CNTNAP2: variants seen among roughly 807,000 people sequenced by gnomAD.
CNTNAP2 encodes contactin-associated protein-like 2.
Under a neutral mutation model 155.2 loss-of-function variants are expected in CNTNAP2, and 98 were observed. The observed-to-expected ratio is 0.63, with a 90% CI of 0.54 to 0.75. CNTNAP2 has a LOEUF of 0.75. CNTNAP2 is among the 30% of genes least tolerant of loss of function. CNTNAP2 has a pLI of 0.00. For synonymous variants in CNTNAP2, 651 were observed against 631.2 expected, an observed-to-expected ratio of 1.03 and a Z score of -0.47; for missense variants, 1,727 against 1,688.1, an observed-to-expected ratio of 1.02 and a Z score of -0.40.
intron 1 of CNTNAP2, among the ~76,000 whole-genome samples, chr7:146,708,651 T>C (rs28716585): frequency 0.24 from 29,495 of 125,076 alleles, 8,258 homozygotes; most frequent in African/African-American, 0.69. Context: ...GGCTGGAGTG[T>C]GGTGGCGTGA....
At chr7:148,339,505 C>T (rs987512508) in intron 21 of CNTNAP2, 1 of 152,122 alleles carries the variant, frequency 6.6e-6, no homozygotes, top group African/African-American at 2.4e-5. Flanking sequence ...TCAAAGCTGC[C>T]CGCCGGGACT....
At chr7:147,710,645 G>T (rs1027929839) in intron 13 of CNTNAP2, among the ~76,000 whole-genome samples, 1 of 151,890 alleles carries the variant, frequency 6.6e-6, no homozygotes, top group African/African-American at 2.4e-5. Flanking sequence ...TGCTCTTTTA[G>T]AACTATAATC....
chr7:148,029,105 A>G (rs971759055), intron 15 of CNTNAP2, among the ~76,000 whole-genome samples: 2 of 67,816 alleles, frequency 2.9e-5, no homozygotes, highest in African/African-American at 1.7e-4. Flanking sequence ...TGGGCAACAC[A>G]CTTTTAACCT....
At chr7:146,180,077 G>A (rs1410464873) in intron 1 of CNTNAP2, among the ~76,000 whole-genome samples, 2 of 152,068 alleles carry the variant, frequency 1.3e-5, no homozygotes, top group Non-Finnish European at 2.9e-5. Flanking sequence ...TATGTTTTTG[G>A]ATGTCTTGGT....
chr7:146,376,337 T>C (rs1336958571), intron 1 of CNTNAP2, among the ~76,000 whole-genome samples: 1 of 152,174 alleles, frequency 6.6e-6, no homozygotes, highest in Non-Finnish European at 1.5e-5. Flanking sequence ...TCGTTACCTT[T>C]GTTCTTTTTC....
intron 13 of CNTNAP2, among the ~76,000 whole-genome samples, chr7:147,881,056 CAGG>C (rs1389283370): frequency 6.6e-6 from 1 of 152,116 alleles, no homozygotes; most frequent in Non-Finnish European, 1.5e-5. Context: ...CTGTAAGAGA[CAGG>C]AGAAGATGGT....
intron 13 of CNTNAP2, among the ~76,000 whole-genome samples, chr7:147,703,568 C>A (rs552218016): frequency 1.8e-4 from 28 of 152,152 alleles, no homozygotes; most frequent in African/African-American, 5.5e-4. Flanking sequence ...GCAGTTGATC[C>A]ATGATTTTTG....
chr7:146,686,964 G>A (rs1233892561), intron 1 of CNTNAP2, among the ~76,000 whole-genome samples: 1 of 152,076 alleles, frequency 6.6e-6, no homozygotes, highest in Non-Finnish European at 1.5e-5. Flanking sequence ...CTATGTTGAT[G>A]ATATTTCTTT....
chr7:147,187,822 G>A (rs1802598333), intron 8 of CNTNAP2, among the ~76,000 whole-genome samples: 1 of 152,168 alleles, frequency 6.6e-6, no homozygotes, highest in African/African-American at 2.4e-5. Context: ...CATTTTGGGA[G>A]GCCAAGGCAG....
At chr7:147,884,102 C>T (rs181620998) in intron 13 of CNTNAP2, among the ~76,000 whole-genome samples, 238 of 152,214 alleles carry the variant, frequency 1.6e-3, no homozygotes, top group African/African-American at 5.4e-3. Flanking sequence ...ATGAAAGGTC[C>T]TTGAGGATAT....
intron 13 of CNTNAP2, among the ~76,000 whole-genome samples, chr7:147,779,493 A>T (rs1329101384): frequency 6.6e-6 from 1 of 152,246 alleles, no homozygotes; most frequent in Non-Finnish European, 1.5e-5. Flanking sequence ...GGCTGAAACA[A>T]ATAATTACTC....
rs527433901 is a variant in CNTNAP2 at position 148,368,031 on chromosome 7, A to G, written c.3476-15618A>G. ...GCAAACATTTCAGATAGAGCCCCTC[A>G]TCTTTTGTTAAAAGTAAAATGAAAA... is the stretch of plus-strand genomic sequence containing the variant. On this transcript the variant is annotated intron_variant, in intron 21 of 23. Coordinates refer to ENST00000361727, the MANE Select transcript of CNTNAP2 (RefSeq NM_014141.6). Among the ~76,000 whole-genome samples, 375 of 152,338 alleles carry G rather than the reference A, an allele frequency of 2.5e-3. 2 individuals are homozygous for G. Among genetic ancestry groups the G allele is most frequent in the African/African-American group, 8.1e-3 (337 of 41,584 alleles).
intron 1 of CNTNAP2, among the ~76,000 whole-genome samples, chr7:146,678,319 C>G (rs1472820908): frequency 6.6e-6 from 1 of 152,070 alleles, no homozygotes; most frequent in Admixed American, 6.6e-5. Context: ...AGTGATCCAC[C>G]AACCTCAGCC....
chr7:146,526,782 G>A (rs1209079191), intron 1 of CNTNAP2, among the ~76,000 whole-genome samples: 2 of 152,134 alleles, frequency 1.3e-5, no homozygotes, highest in Non-Finnish European at 2.9e-5. Flanking sequence ...CATATTTCAA[G>A]TTAAGTTCCC....
chr7:146,860,671 T>C (rs1174882539), intron 3 of CNTNAP2, among the ~76,000 whole-genome samples: 1 of 152,190 alleles, frequency 6.6e-6, no homozygotes, highest in African/African-American at 2.4e-5. Flanking sequence ...GTTTAAAATG[T>C]ATTGTCTTAA....
intron 18 of CNTNAP2, among the ~76,000 whole-genome samples, chr7:148,176,863 T>A (rs957958553): frequency 4.6e-5 from 7 of 152,146 alleles, no homozygotes; most frequent in African/African-American, 1.7e-4. Flanking sequence ...TAACTGTGGG[T>A]CTGTCATCCC....
intron 13 of CNTNAP2, among the ~76,000 whole-genome samples, chr7:147,722,482 G>A (rs1168632215): frequency 6.6e-6 from 1 of 152,056 alleles, no homozygotes; most frequent in African/African-American, 2.4e-5. Context: ...AGGTCATAGT[G>A]TATCCGGCAG....
At chr7:147,185,946 T>C (rs1192297661) in intron 8 of CNTNAP2, among the ~76,000 whole-genome samples, 2 of 152,230 alleles carry the variant, frequency 1.3e-5, no homozygotes, top group African/African-American at 4.8e-5. Flanking sequence ...GACATGACTT[T>C]GCTTCTTTTC....
chr7:147,245,559 C>A (rs1030024481), intron 8 of CNTNAP2, among the ~76,000 whole-genome samples: 1 of 151,890 alleles, frequency 6.6e-6, no homozygotes, highest in Admixed American at 6.6e-5. Flanking sequence ...AGAGGCTGGG[C>A]GCGGTGGCTC....
Sources: gnomAD v4.1 joint callset for allele counts (sites outside exome capture counted in the v4.1 genomes callset) on GRCh38, gnomAD v4.1.1 for gene constraint, MANE v1.5 for transcripts, NCBI Gene and HGNC (gene_info 2026-07-23, HGNC 2026-07-21) for gene names.